Variants in ANLN observed in about 807,000 individuals in gnomAD.
ANLN encodes anillin, actin binding protein.
ANLN carries 59 observed loss-of-function variants against 135.1 expected under a neutral mutation model. The ratio of observed to expected loss-of-function variants is 0.44; its 90% CI spans 0.35 to 0.54. ANLN has a LOEUF of 0.54. ANLN is among the 20% of genes least tolerant of loss of function. ANLN has a pLI of 0.00. For missense variants in ANLN, 1,182 were observed against 1,340.0 expected (o/e 0.88, Z 1.84); for synonymous variants, 406 against 456.4 (o/e 0.89, Z 1.41).
intron 20 of ANLN, among the ~76,000 whole-genome samples, chr7:36,431,828 C>T (rs1172211797): frequency 5.3e-5 from 8 of 151,558 alleles, no homozygotes; most frequent in Non-Finnish European, 8.8e-5. Context: ...TCCCTTCTGC[C>T]TTAAATTCTG....
chr7:36,420,103 A>T, intron 10 of ANLN, 66 bp from the exon 11 acceptor site: 1 of 1,477,972 alleles, frequency 6.8e-7, no homozygotes. Context: ...GAATTCATTG[A>T]TTTTCACAGA....
intron 23 of ANLN, 83 bp from the exon 24 acceptor site, chr7:36,452,394 C>A (rs878983534): frequency 1.3e-6 from 2 of 1,557,426 alleles, no homozygotes; most frequent in South Asian, 1.2e-5. Flanking sequence ...TTTATTTAGT[C>A]ATTTTTTTCC....
rs562511350 is a variant in ANLN at position 36,410,588 on chromosome 7, C to T, written c.1171C>T (p.Arg391Cys). The change falls in exon 6 of 24, where the codon CGT becomes TGT. Residue 391 changes from arginine to cysteine, a missense_variant. By Grantham distance (180) the Arg-to-Cys change is radical. Coordinates refer to ENST00000265748, the MANE Select transcript of ANLN (RefSeq NM_018685.5). ...CQEHSKESPARSTPHRTPIIT... is the reference protein window; with the variant it reads ...CQEHSKESPACSTPHRTPIIT... ...AGAACATAGCAAAGAAAGTCCAGCT[C>T]GTAGCACACCCCACAGAACCCCCAT... is the stretch of plus-strand genomic sequence containing the variant. The T allele has an allele frequency of 2.9e-5, 46 of 1,614,024 alleles. No individual in the cohort carries two copies. In the East Asian group the frequency reaches 2.9e-4, roughly 10 times the overall value.
intron 22 of ANLN, chr7:36,449,380 T>C (rs1009858945): frequency 4.8e-6 from 1 of 207,594 alleles, no homozygotes; most frequent in African/African-American, 2.3e-5. Context: ...TACCTGGGGC[T>C]CATTATACTG....
Position 36,452,635 on chromosome 7 carries a change from A to C in ANLN, c.*35A>C, listed in dbSNP as rs750243624. 25 of 1,607,906 alleles carry C rather than the reference A, an allele frequency of 1.6e-5. 1 individual carries two copies. In the South Asian group the frequency reaches 2.4e-4, roughly 16 times the overall value. The stretch of plus-strand genomic sequence containing the variant: ...TTTCCATGCTATCTAGAGGTTTTTG[A>C]TGTCATCTTAAGAAACACACTTAAG... On this transcript the variant is annotated 3_prime_UTR_variant, in exon 24 of 24. Coordinates refer to ENST00000265748, the MANE Select transcript of ANLN (RefSeq NM_018685.5).
At chr7:36,451,398 G>A (rs577686965) in intron 23 of ANLN, among the ~76,000 whole-genome samples, 8 of 152,296 alleles carry the variant, frequency 5.3e-5, no homozygotes, top group African/African-American at 1.9e-4. Context: ...TGAAGTCAAC[G>A]GACTTAAGTT....
Position 36,406,438 on chromosome 7 carries a change from A to C in ANLN, c.745A>C (p.Asn249His). 1 of 1,613,550 alleles carries C rather than the reference A, an allele frequency of 6.2e-7. No homozygotes were observed. Among genetic ancestry groups the C allele is most frequent in the Non-Finnish European group, 8.5e-7 (1 of 1,179,552 alleles). The change falls in exon 4 of 24, where the codon AAT (asparagine) becomes CAT (histidine). Residue 249 changes from asparagine to histidine, a missense_variant. Physicochemically the swap from Asn to His is moderately conservative, Grantham distance 68. Transcript: ENST00000265748. ...TGCAAGTGGAGCATCTGCTAGGATC[A>C]ATAGCAGCAGTGTTAAGCAGGAAGC... ...SSASGASARI[N>H]SSSVKQEATF... is the part of the protein sequence containing the mutation.
intron 4 of ANLN, among the ~76,000 whole-genome samples, chr7:36,407,119 A>G (rs1787222930): frequency 6.6e-6 from 1 of 152,148 alleles, no homozygotes; most frequent in Non-Finnish European, 1.5e-5. Flanking sequence ...GTTTCTGACC[A>G]TTGTCTTTTA....
At chr7:36,395,116 C>T (rs747744446) in intron 1 of ANLN, among the ~76,000 whole-genome samples, 2 of 152,160 alleles carry the variant, frequency 1.3e-5, no homozygotes, top group African/African-American at 4.8e-5. Flanking sequence ...TTTAGTGGCT[C>T]TATTAGTTTT....
chr7:36,441,760 A>G (rs974579768), intron 21 of ANLN, among the ~76,000 whole-genome samples: 9 of 152,212 alleles, frequency 5.9e-5, no homozygotes, highest in Non-Finnish European at 1.0e-4. Context: ...AATCTTGTTT[A>G]TCAAAAGTTA....
chr7:36,403,042 G>A (rs955673599), intron 3 of ANLN, among the ~76,000 whole-genome samples: 2 of 152,074 alleles, frequency 1.3e-5, no homozygotes, highest in Non-Finnish European at 2.9e-5. Flanking sequence ...TCTTGAACCC[G>A]GGAGGCGGAG....
At position 36,419,301 on chromosome 7, in the gene ANLN, T is replaced by C. The variant is rs1422181702; in HGVS notation, c.1691T>C (p.Val564Ala). The change falls in exon 10 of 24, where the codon GTA (valine) becomes GCA (alanine). Residue 564 changes from valine to alanine, a missense_variant. Physicochemically the swap from Val to Ala is moderately conservative, Grantham distance 64 (BLOSUM62 0). This residue lies in a region of ANLN where 1,022 missense variants were observed against 1,134.0 expected (regional missense o/e 0.90). Transcript: ENST00000265748. ...GATGATGATATCAATAGTTCGAAAG[T>C]AATTAATGACCTCTTCAGTGATGTC... ...VDDDDINSSK[V>A]INDLFSDVLE... The C allele has an allele frequency of 6.2e-7, 1 of 1,614,082 alleles. No individual in the cohort carries two copies. Among genetic ancestry groups the C allele is most frequent in the Non-Finnish European group, 8.5e-7 (1 of 1,179,998 alleles).
At chr7:36,399,469 A>G in intron 3 of ANLN, 76 bp downstream of exon 3, 2 of 1,268,960 alleles carry the variant, frequency 1.6e-6, no homozygotes, top group Non-Finnish European at 2.2e-6. Flanking sequence ...ACATTTTATC[A>G]GTTAACTCAT....
chr7:36,433,508 C>T (rs1444658917), intron 20 of ANLN, among the ~76,000 whole-genome samples: 1 of 151,918 alleles, frequency 6.6e-6, no homozygotes, highest in African/African-American at 2.4e-5. Flanking sequence ...AATGTGCCTA[C>T]GTGTAGTTTT....
chr7:36,396,309 G>C lies in ANLN; in HGVS notation c.62G>C (p.Arg21Thr). 6.2e-7 allele frequency: 1 copy of C among 1,607,324 alleles called. No individual in the cohort carries two copies. Among genetic ancestry groups the C allele is most frequent in the Non-Finnish European group, 8.5e-7 (1 of 1,175,024 alleles). Residue 21 changes from arginine to threonine, a missense_variant, in exon 2 of 24, where the codon AGA becomes ACA. Physicochemically the swap from Arg to Thr is moderately conservative, Grantham distance 71. Around this residue, in one of 3 missense-constraint regions of ANLN, gnomAD observed 1,022 missense variants for 1,134.0 expected, o/e 0.90. Coordinates refer to ENST00000265748, the MANE Select transcript of ANLN (RefSeq NM_018685.5). ...RTRARRENLQ[R>T]KMAERPTAAP... The stretch of plus-strand genomic sequence containing the variant: ...CGTGCCAGGCGAGAGAATCTTCAGA[G>C]AAAAATGGCTGAGAGGCCCACAGCA...
chr7:36,416,368 T>TA (rs1787643598), intron 8 of ANLN, among the ~76,000 whole-genome samples: 1 of 152,216 alleles, frequency 6.6e-6, no homozygotes, highest in Admixed American at 6.5e-5. Flanking sequence ...GAGATAATTT[T>TA]ACTCCTTTTC....
rs140022119 is a variant in ANLN at position 36,429,387 on chromosome 7, A to C, written c.2883+2359A>C. On this transcript the variant is annotated intron_variant, in intron 20 of 23. Transcript: ENST00000265748. ...AGGCGTGCACCACCATGCCCAGATA[A>C]TTTTTGTATTTTTAGTAGAGACAGG... is the stretch of plus-strand genomic sequence containing the variant. Among the ~76,000 whole-genome samples the C allele has an allele frequency of 2.7e-3, 409 of 151,582 alleles. 10 individuals are homozygous for C. The East Asian group carries it at 0.063, about 23-fold the overall frequency.
chr7:36,426,811 C>T, intron 19 of ANLN, 105 bp from the exon 20 acceptor site: 4 of 540,296 alleles, frequency 7.4e-6, no homozygotes, highest in South Asian at 4.7e-5. Context: ...GTTTTTTTTT[C>T]TCTGTGGCAG....
chr7:36,399,417 G>T, intron 3 of ANLN, 24 bp downstream of exon 3: 1 of 1,546,386 alleles, frequency 6.5e-7, no homozygotes, highest in South Asian at 1.2e-5. Context: ...AGATGGTATG[G>T]CCCATACATC....
Sources: gnomAD v4.1 joint callset for allele counts (sites outside exome capture counted in the v4.1 genomes callset) on GRCh38, gnomAD v4.1.1 for gene constraint, gnomAD v4.1.1 regional missense constraint, MANE v1.5 for transcripts, NCBI Gene and HGNC (gene_info 2026-07-23, HGNC 2026-07-21) for gene names.